Variants in OCM2 observed in about 807,000 individuals in gnomAD.
OCM2 encodes oncomodulin-2.
OCM2 carries 6 observed loss-of-function variants against 13.6 expected under a neutral mutation model. The observed-to-expected ratio is 0.44, with a 90% CI of 0.24 to 0.87. The LOEUF is 0.87. Among genes scored for constraint, OCM2 ranks in the 40% least tolerant of loss-of-function variants. The pLI is 0.22. For missense variants in OCM2, 118 were observed against 136.8 expected (o/e 0.86, Z 0.68); for synonymous variants, 40 against 50.7 (o/e 0.79, Z 0.90).
chr7:97,984,794 T>C (rs774824824), exon 4 of OCM2: 11 of 948,834 alleles, frequency 1.2e-5, no homozygotes, highest in Admixed American at 1.0e-4. Context: ...AAGTCATGAG[T>C]GACTCTCTCG....
chr7:97,988,021 T>A (rs180998583), intron 2 of OCM2, among the ~76,000 whole-genome samples: 1 of 151,938 alleles, frequency 6.6e-6, no homozygotes, highest in Non-Finnish European at 1.5e-5. Flanking sequence ...TGAAACCCCA[T>A]CTCTACTCTA....
chr7:97,990,016 T>TGCCC, intron 1 of OCM2, 28 bp downstream of exon 1: 5 of 1,083,838 alleles, frequency 4.6e-6, no homozygotes, highest in Non-Finnish European at 5.6e-6. Context: ...TGTGAGGAAA[T>TGCCC]CCCACCCCCG....
intron 3 of OCM2, among the ~76,000 whole-genome samples, chr7:97,985,280 G>A (rs1414719689): frequency 2.0e-5 from 3 of 151,928 alleles, no homozygotes; most frequent in Admixed American, 6.6e-5. Flanking sequence ...TTAGCCGGGC[G>A]TGGTGGCATG....
intron 1 of OCM2, 126 bp from the exon 2 acceptor site, chr7:97,988,674 C>G: frequency 7.7e-7 from 1 of 1,305,352 alleles, no homozygotes; most frequent in Non-Finnish European, 1.1e-6. Flanking sequence ...GGATGCTCAA[C>G]TGGTCTAAGA....
chr7:97,988,309 C>A, intron 2 of OCM2, 107 bp downstream of exon 2: 3 of 1,408,610 alleles, frequency 2.1e-6, no homozygotes, highest in Non-Finnish European at 2.9e-6. Context: ...GCCGAATGAC[C>A]AACACCAAGG....
chr7:97,990,171 G>A (rs1794718934), exon 1 of OCM2: 1 of 1,481,424 alleles, frequency 6.8e-7, no homozygotes, highest in Admixed American at 1.7e-5. Flanking sequence ...CACATCCAGG[G>A]GAAACACATC....
rs141302887 is a variant in OCM2, at chr7:97,986,637, C to T, written c.304+410G>A. 9.1e-4 allele frequency among the ~76,000 whole-genome samples: 138 copies of T among 152,254 alleles called. 1 individual carries two copies. Among genetic ancestry groups the T allele is most frequent in the African/African-American group, 3.1e-3 (127 of 41,560 alleles). On this transcript the variant is annotated intron_variant, in intron 3 of 3. Coordinates refer to ENST00000257627, the Ensembl canonical transcript of OCM2. Reference sequence around the variant, plus strand: ...CCTTGAAGATGAAGAGGCCTTCCTACGCATGCCAATGGACCCTGGTCTGAG... The same window carrying T: ...CCTTGAAGATGAAGAGGCCTTCCTATGCATGCCAATGGACCCTGGTCTGAG...
At chr7:97,988,362 C>G in intron 2 of OCM2, 54 bp downstream of exon 2, 8 of 1,609,516 alleles carry the variant, frequency 5.0e-6, no homozygotes, top group Non-Finnish European at 6.8e-6. Context: ...CCCCACTGCA[C>G]CCCAGGCCCA....
chr7:97,987,162 G>A lies in OCM2; in HGVS notation c.195-6C>T. On this transcript the variant is annotated splice_polypyrimidine_tract_variant and splice_region_variant and intron_variant, in intron 2 of 3. Transcript: ENST00000257627. The stretch of plus-strand genomic sequence containing the variant: ...CAAACTTCTGGAGGAAAAACCTACA[G>A]GATAATAAAGATCCATGGGGATTTT... The A allele has an allele frequency of 2.5e-6, 4 of 1,613,038 alleles. No individual in the cohort carries two copies. The highest frequency in any genetic ancestry group is 3.4e-6 in the Non-Finnish European group (4 of 1,179,292).
exon 3 of OCM2, chr7:97,987,067 T>A (rs1183307598): frequency 1.2e-6 from 2 of 1,613,446 alleles, no homozygotes; most frequent in Non-Finnish European, 1.7e-6. Flanking sequence ...AATTTTCCCA[T>A]CTCCATCATT....
At chr7:97,988,855 T>TC (rs759096638) in intron 1 of OCM2, among the ~76,000 whole-genome samples, 9 of 151,526 alleles carry the variant, frequency 5.9e-5, no homozygotes, top group Non-Finnish European at 1.3e-4. Context: ...GCCCCCAACA[T>TC]CCCTGGTCTA....
chr7:97,988,710 C>G (rs1794697252), intron 1 of OCM2, among the ~76,000 whole-genome samples, 162 bp from the exon 2 acceptor site: 1 of 152,036 alleles, frequency 6.6e-6, no homozygotes, highest in South Asian at 2.1e-4. Flanking sequence ...GACTTGATGG[C>G]TCTGTGATGG....
intron 3 of OCM2, 47 bp from the exon 4 acceptor site, chr7:97,985,030 C>G: frequency 1.9e-6 from 3 of 1,613,826 alleles, no homozygotes; most frequent in Middle Eastern, 1.7e-4. Context: ...TGGCTTCGTT[C>G]TTTACAGACA....
chr7:97,987,446 A>G (rs1461772858), intron 2 of OCM2, among the ~76,000 whole-genome samples: 1 of 151,918 alleles, frequency 6.6e-6, no homozygotes, highest in East Asian at 1.9e-4. Context: ...CCTGGGCTCA[A>G]TCAATCCTTC....
In OCM2 at chr7:97,990,086, GCACGT is replaced by G; in HGVS notation, c.14_18del (p.Asp5AlafsTer4). Reference sequence around the variant, plus strand: ...GCTGCTGCAATGTCATCAGCACTGAGCACGTCCGTGATGCTCATTTTCTACCTACT... The same window carrying G: ...GCTGCTGCAATGTCATCAGCACTGAGCCGTGATGCTCATTTTCTACCTACT... On this transcript the variant is annotated frameshift_variant, in exon 1 of 4. Coordinates refer to ENST00000257627, the Ensembl canonical transcript of OCM2. LOFTEE classifies it high-confidence loss of function. 1 of 1,606,368 alleles carries G rather than the reference GCACGT, an allele frequency of 6.2e-7. No individual in the cohort carries two copies.
chr7:97,986,918 A>G, intron 3 of OCM2, 129 bp downstream of exon 3: 1 of 1,454,064 alleles, frequency 6.9e-7, no homozygotes, highest in Non-Finnish European at 9.2e-7. Flanking sequence ...TTTACAGATG[A>G]GAAGACTGAG....
intron 1 of OCM2, 28 bp downstream of exon 1, chr7:97,990,016 T>TGGCCCCCCCCCCC: frequency 9.2e-7 from 1 of 1,083,840 alleles, no homozygotes; most frequent in Non-Finnish European, 1.4e-6. Context: ...TGTGAGGAAA[T>TGGCCCCCCCCCCC]CCCACCCCCG....
intron 3 of OCM2, among the ~76,000 whole-genome samples, chr7:97,986,424 T>C (rs553685565): frequency 2.8e-4 from 42 of 152,162 alleles, no homozygotes; most frequent in African/African-American, 8.4e-4. Context: ...CACAAAGTAG[T>C]TAAAAAGCAT....
At chr7:97,988,277 T>G (rs1264517650) in intron 2 of OCM2, 139 bp downstream of exon 2, 10 of 1,017,516 alleles carry the variant, frequency 9.8e-6, no homozygotes, top group African/African-American at 1.6e-5. Context: ...CTGACTCATG[T>G]CCTTTGCTTT....
Sources: allele counts gnomAD v4.1 joint callset (sites outside exome capture counted in the v4.1 genomes callset), GRCh38; gene constraint gnomAD v4.1.1; transcripts MANE v1.5; gene names NCBI Gene and HGNC (gene_info 2026-07-23, HGNC 2026-07-21).